Variants in ALK observed in about 807,000 individuals in gnomAD.
The protein encoded by ALK is ALK receptor tyrosine kinase.
ALK carries 74 observed loss-of-function variants against 163.1 expected under a neutral mutation model. That is an observed-to-expected ratio of 0.45 (90% CI 0.38 to 0.55). The LOEUF (loss-of-function observed/expected upper bound fraction) is 0.55, where lower values mean the gene tolerates loss of function less well. Ranked by LOEUF, ALK falls within the 20% of genes least tolerant of loss-of-function variation. The probability of loss-of-function intolerance (pLI) is 0.00; values close to 1 mark genes in which losing one functional copy is unlikely to be tolerated. For synonymous variants in ALK, 960 were observed against 843.2 expected (o/e 1.14, Z -2.40); for missense variants, 2,063 against 2,105.3 (o/e 0.98, Z 0.39).
At chr2:29,217,263 G>T (rs530832224) in intron 23 of ALK, among the ~76,000 whole-genome samples, 2 of 148,748 alleles carry the variant, frequency 1.3e-5, no homozygotes, top group African/African-American at 5.1e-5. Context: ...CGTGTGTGGT[G>T]TGTTTTTTGT....
intron 1 of ALK, among the ~76,000 whole-genome samples, chr2:29,801,237 T>C (rs1664461216): frequency 6.6e-6 from 1 of 152,066 alleles, no homozygotes; most frequent in Non-Finnish European, 1.5e-5. Flanking sequence ...ACAAGAAACA[T>C]GGAAAACAAT....
At chr2:29,633,533 A>G (rs1259481263) in intron 3 of ALK, among the ~76,000 whole-genome samples, 2 of 151,990 alleles carry the variant, frequency 1.3e-5, no homozygotes, top group African/African-American at 4.8e-5. Flanking sequence ...GAAGAGCACA[A>G]TAAACTAATA....
chr2:29,893,908 T>C (rs1338124006), intron 1 of ALK, among the ~76,000 whole-genome samples: 1 of 152,244 alleles, frequency 6.6e-6, no homozygotes, highest in East Asian at 1.9e-4. Flanking sequence ...CTCCATTTCC[T>C]CATTTAAAGT....
intron 4 of ALK, among the ~76,000 whole-genome samples, chr2:29,530,333 A>T (rs1350151969): frequency 1.3e-5 from 2 of 152,204 alleles, no homozygotes; most frequent in African/African-American, 2.4e-5. Flanking sequence ...ACTATGCTAC[A>T]CAGGGAAACA....
rs773380015 is a variant in ALK at position 29,328,388 on chromosome 2, T to C, written c.1376A>G (p.Gln459Arg). 4.8e-5 allele frequency: 78 copies of C among 1,614,074 alleles called. No individual in the cohort carries two copies. Among genetic ancestry groups the C allele is most frequent in the Non-Finnish European group, 6.4e-5 (76 of 1,180,028 alleles). The change falls in exon 6 of 29, where the codon CAG (glutamine) becomes CGG (arginine). Residue 459 changes from glutamine (Q) to arginine (R), a missense_variant. This residue lies in a region of ALK where 987 missense variants were observed against 939.5 expected (regional missense o/e 1.05). Coordinates refer to ENST00000389048, the MANE Select transcript of ALK (RefSeq NM_004304.5). ...LQLGQACDFH[Q>R]DCAQGEDESQ... Reference sequence around the variant, plus strand: ...CTCATCTTCTCCCTGGGCACAGTCCTGGTGGAAGTCACAGGCCTGCCCAAG... The same window carrying C: ...CTCATCTTCTCCCTGGGCACAGTCCCGGTGGAAGTCACAGGCCTGCCCAAG...
At chr2:29,714,640 A>G (rs1225727066) in intron 2 of ALK, among the ~76,000 whole-genome samples, 2 of 152,156 alleles carry the variant, frequency 1.3e-5, no homozygotes, top group Admixed American at 1.3e-4. Flanking sequence ...ACAGCCAACC[A>G]AGCGTGGACT....
intron 4 of ALK, among the ~76,000 whole-genome samples, chr2:29,499,841 G>A (rs980586544): frequency 2.6e-5 from 4 of 151,976 alleles, no homozygotes; most frequent in African/African-American, 9.7e-5. Context: ...GCTTCAGCAG[G>A]CCCTTTCTCT....
At chr2:29,661,986 T>C (rs992131053) in intron 3 of ALK, among the ~76,000 whole-genome samples, 2 of 152,114 alleles carry the variant, frequency 1.3e-5, no homozygotes, top group Non-Finnish European at 2.9e-5. Context: ...CTCAGCTCAC[T>C]GAAACCCCTA....
Position 29,233,668 on chromosome 2 carries a change from A to G in ALK, c.2384T>C (p.Ile795Thr), listed in dbSNP as rs763503560. 22 of 1,614,196 alleles carry G rather than the reference A, an allele frequency of 1.4e-5. No individual in the cohort carries two copies. Among genetic ancestry groups the G allele is most frequent in the Admixed American group, 5.0e-5 (3 of 60,020 alleles). ...STNQLIQKVC[I>T]GENNVIEEEI... ...TTCTTCTATCACATTGTTCTCTCCA[A>G]TGCAGACTTTCTGGATTAACTGGTT... is the stretch of plus-strand genomic sequence containing the variant. Residue 795 changes from isoleucine (I) to threonine (T), a missense_variant, in exon 14 of 29, where the codon ATT becomes ACT. Physicochemically the swap from Ile to Thr is moderately conservative, Grantham distance 89 (BLOSUM62 -1). Coordinates refer to ENST00000389048, the MANE Select transcript of ALK (RefSeq NM_004304.5).
At chr2:29,318,662 G>T (rs1400257496) in intron 7 of ALK, among the ~76,000 whole-genome samples, 1 of 151,838 alleles carries the variant, frequency 6.6e-6, no homozygotes, top group Non-Finnish European at 1.5e-5. Flanking sequence ...CGCCTCCCGG[G>T]TTCATGCCAT....
chr2:29,875,674 C>T (rs1185668753), intron 1 of ALK, among the ~76,000 whole-genome samples: 1 of 152,146 alleles, frequency 6.6e-6, no homozygotes, highest in African/African-American at 2.4e-5. Context: ...TGAGTGAGAA[C>T]ATGTGGTGTT....
At chr2:29,861,183 G>A (rs62129768) in intron 1 of ALK, among the ~76,000 whole-genome samples, 36,169 of 152,016 alleles carry the variant, frequency 0.24, 5,369 homozygotes, top group East Asian at 0.47. Context: ...AAAAGAAGGA[G>A]GAGGGTAAGG....
At chr2:29,320,454 C>A (rs1336250740) in intron 7 of ALK, among the ~76,000 whole-genome samples, 1 of 152,206 alleles carries the variant, frequency 6.6e-6, no homozygotes, top group Non-Finnish European at 1.5e-5. Context: ...ACATAGGACG[C>A]CCTCAGCACA....
intron 4 of ALK, among the ~76,000 whole-genome samples, chr2:29,386,908 C>T (rs577772590): frequency 1.3e-5 from 2 of 152,326 alleles, no homozygotes; most frequent in Non-Finnish European, 2.9e-5. Flanking sequence ...CTTGGTCTGC[C>T]TCCATTTTCT....
rs1238045671 is a variant in ALK, at chr2:29,227,302, G to A, written c.2915-228C>T. Reference sequence around the variant, plus strand: ...GGATGTTTGCTTTTGAGTCAGTGGTGGAGAGAAGCCCACGCACATGATCTT... The same window carrying A: ...GGATGTTTGCTTTTGAGTCAGTGGTAGAGAGAAGCCCACGCACATGATCTT... On this transcript the variant is annotated intron_variant, in intron 17 of 28. Coordinates refer to ENST00000389048, the MANE Select transcript of ALK (RefSeq NM_004304.5). This position sits in a 1 kb window ranked among gnomAD's most constrained non-coding sequence, Gnocchi z 4.4. Among the ~76,000 whole-genome samples the A allele has an allele frequency of 1.3e-5, 2 of 152,214 alleles. No homozygotes were observed. Among genetic ancestry groups the A allele is most frequent in the African/African-American group, 4.8e-5 (2 of 41,450 alleles).
chr2:29,640,257 T>A (rs1012620748), intron 3 of ALK, among the ~76,000 whole-genome samples: 16 of 152,216 alleles, frequency 1.1e-4, no homozygotes, highest in African/African-American at 3.6e-4. Flanking sequence ...AATCTCACAT[T>A]GAACAGTAAT....
At chr2:29,745,815 G>C (rs1476979344) in intron 1 of ALK, among the ~76,000 whole-genome samples, 1 of 152,152 alleles carries the variant, frequency 6.6e-6, no homozygotes, top group Non-Finnish European at 1.5e-5. Flanking sequence ...GCAGAGAGTA[G>C]GTGCTAAATA....
chr2:29,253,426 G>T (rs542635356), intron 11 of ALK, among the ~76,000 whole-genome samples: 7 of 152,088 alleles, frequency 4.6e-5, no homozygotes. Flanking sequence ...AGGCTGGATT[G>T]ACATATTAAA....
chr2:29,586,869 CT>C (rs1412250735), intron 3 of ALK, among the ~76,000 whole-genome samples: 1 of 152,174 alleles, frequency 6.6e-6, no homozygotes. Flanking sequence ...CAGTTAAGTC[CT>C]CTAGTCAGTT....
Sources: gnomAD v4.1 joint callset for allele counts (sites outside exome capture counted in the v4.1 genomes callset) on GRCh38, gnomAD v4.1.1 for gene constraint, gnomAD v4.1.1 regional missense constraint, Gnocchi (gnomAD v3.1) non-coding constraint, MANE v1.5 for transcripts, NCBI Gene and HGNC (gene_info 2026-07-23, HGNC 2026-07-21) for gene names.